Variants in ANO3 observed in about 807,000 individuals in gnomAD.
ANO3 encodes the protein anoctamin-3.
In ANO3, 99 loss-of-function variants were observed where a neutral mutation model predicts 144.8. The observed-to-expected ratio is 0.68, with a 90% CI of 0.58 to 0.81. The LOEUF is 0.81. Ranked by LOEUF, ANO3 falls within the 30% of genes least tolerant of loss-of-function variation. The pLI, the probability that ANO3 is intolerant of heterozygous loss-of-function variation, is 0.00. For missense variants in ANO3, 905 were observed against 1,202.2 expected (o/e 0.75, Z 3.66); for synonymous variants, 414 against 392.6 (o/e 1.05, Z -0.64).
At chr11:26,465,440 C>T (rs1189421846) in intron 4 of ANO3, among the ~76,000 whole-genome samples, 1 of 151,624 alleles carries the variant, frequency 6.6e-6, no homozygotes, top group East Asian at 1.9e-4. Context: ...ACAAAAGTTA[C>T]TCATTTGCAA....
At chr11:26,494,999 T>A (rs1458463071) in intron 4 of ANO3, among the ~76,000 whole-genome samples, 2 of 152,128 alleles carry the variant, frequency 1.3e-5, no homozygotes, top group East Asian at 3.8e-4. Flanking sequence ...CCTATAAAAA[T>A]GGAAATAGCT....
chr11:26,289,365 G>T (rs920990152), intron 1 of ANO3, among the ~76,000 whole-genome samples: 4 of 151,196 alleles, frequency 2.6e-5, no homozygotes, highest in African/African-American at 9.7e-5. Flanking sequence ...TGGTGATTGT[G>T]AATATAAGTA....
chr11:26,399,808 T>C (rs148776464), intron 1 of ANO3, among the ~76,000 whole-genome samples: 5 of 152,140 alleles, frequency 3.3e-5, no homozygotes, highest in Non-Finnish European at 7.4e-5. Flanking sequence ...CTTACCACGC[T>C]AGAAAGTAAG....
chr11:26,499,013 C>A (rs977199441), intron 4 of ANO3, among the ~76,000 whole-genome samples: 1 of 151,840 alleles, frequency 6.6e-6, no homozygotes, highest in Non-Finnish European at 1.5e-5. Context: ...ACTGTTTGAC[C>A]ACAATTTAGT....
chr11:26,598,167 C>A (rs1166157690), intron 14 of ANO3, among the ~76,000 whole-genome samples, 198 bp from the exon 15 acceptor site: 1 of 152,110 alleles, frequency 6.6e-6, no homozygotes, highest in African/African-American at 2.4e-5. Context: ...AGAAATCACA[C>A]CCCTCTAGCA....
At chr11:26,325,412 T>A (rs1854859812) in intron 1 of ANO3, among the ~76,000 whole-genome samples, 2 of 152,166 alleles carry the variant, frequency 1.3e-5, no homozygotes, top group African/African-American at 2.4e-5. Context: ...TGATATAAAA[T>A]ATGTTTTACT....
chr11:26,298,399 A>AT (rs143979173), intron 1 of ANO3, among the ~76,000 whole-genome samples: 2,649 of 152,152 alleles, frequency 0.017, 71 homozygotes, highest in African/African-American at 0.06. Flanking sequence ...TATAAACTAG[A>AT]TTTTTTTCCA....
upstream of ANO3, among the ~76,000 whole-genome samples, chr11:26,330,513 T>C (rs1416078555): frequency 6.6e-6 from 1 of 152,122 alleles, no homozygotes; most frequent in Non-Finnish European, 1.5e-5. Context: ...TTATGATACA[T>C]TAAAGAAGGT....
At chr11:26,317,314 G>A (rs1027740811) in intron 1 of ANO3, among the ~76,000 whole-genome samples, 22 of 152,004 alleles carry the variant, frequency 1.4e-4, no homozygotes, top group South Asian at 2.1e-4. Context: ...TATCATCAGA[G>A]TGAGCAGGCA....
chr11:26,657,501 T>C (rs939373670), intron 26 of ANO3, among the ~76,000 whole-genome samples: 1 of 152,124 alleles, frequency 6.6e-6, no homozygotes, highest in Admixed American at 6.6e-5. Flanking sequence ...TGAACAAAGT[T>C]AATAGAGTGC....
At chr11:26,409,933 A>G (rs150449579) in intron 1 of ANO3, among the ~76,000 whole-genome samples, 19 of 152,108 alleles carry the variant, frequency 1.2e-4, no homozygotes, top group African/African-American at 4.3e-4. Context: ...ATAGTGATCA[A>G]TGCAGTAGTA....
At chr11:26,483,076 T>C (rs1247556994) in intron 4 of ANO3, among the ~76,000 whole-genome samples, 1 of 152,126 alleles carries the variant, frequency 6.6e-6, no homozygotes, top group Non-Finnish European at 1.5e-5. Flanking sequence ...TTCTTTTCCT[T>C]AGGCTATATA....
intron 6 of ANO3, among the ~76,000 whole-genome samples, chr11:26,518,907 A>G (rs980073425): frequency 1.3e-5 from 2 of 152,040 alleles, no homozygotes; most frequent in Non-Finnish European, 2.9e-5. Flanking sequence ...GTTCTCAGTT[A>G]TTTTCTTTAT....
intron 7 of ANO3, among the ~76,000 whole-genome samples, chr11:26,530,784 G>A (rs866095848): frequency 4.6e-5 from 7 of 152,140 alleles, no homozygotes; most frequent in African/African-American, 1.2e-4. Flanking sequence ...CAGGAGAATC[G>A]CTTGAACCTG....
intron 1 of ANO3, among the ~76,000 whole-genome samples, chr11:26,350,059 G>C (rs192487290): frequency 1.1e-3 from 169 of 150,662 alleles, no homozygotes; most frequent in South Asian, 5.1e-3. Context: ...AGGAACGGAA[G>C]GGGGAGGAGA....
intron 5 of ANO3, among the ~76,000 whole-genome samples, chr11:26,516,587 A>G (rs930144338): frequency 1.3e-5 from 2 of 151,884 alleles, no homozygotes; most frequent in African/African-American, 4.8e-5. Flanking sequence ...AAAATCATCA[A>G]TGTAAGAAAA....
At chr11:26,191,596 G>A (rs1158665125) in intron 1 of ANO3, among the ~76,000 whole-genome samples, 1 of 151,948 alleles carries the variant, frequency 6.6e-6, no homozygotes, top group African/African-American at 2.4e-5. Flanking sequence ...TTATAAACCT[G>A]GTGCTCTATG....
chr11:26,543,209 C>T (rs531059789), intron 11 of ANO3, among the ~76,000 whole-genome samples: 16 of 152,164 alleles, frequency 1.1e-4, no homozygotes, highest in South Asian at 4.1e-4. Flanking sequence ...AAGACAGCCA[C>T]GGCCAAACCA....
intron 1 of ANO3, among the ~76,000 whole-genome samples, chr11:26,441,115 T>G (rs956176765): frequency 8.7e-6 from 1 of 115,324 alleles, no homozygotes. Context: ...AGTTTTTTTT[T>G]TTTTTTTTTT....
Sources: gnomAD v4.1 joint callset for allele counts (sites outside exome capture counted in the v4.1 genomes callset) on GRCh38, gnomAD v4.1.1 for gene constraint, MANE v1.5 for transcripts, NCBI Gene and HGNC (gene_info 2026-07-23, HGNC 2026-07-21) for gene names.